The following STX17 variants were observed in gnomAD, a reference collection of about 807,000 sequenced individuals.
STX17 encodes syntaxin-17.
A neutral mutation model predicts 35.9 loss-of-function variants in STX17; 29 were observed. That is an observed-to-expected ratio of 0.81 (90% CI 0.60 to 1.10). The LOEUF is 1.10. Ranked by LOEUF, STX17 falls within the 50% of genes least tolerant of loss-of-function variation. The pLI, the probability that STX17 is intolerant of heterozygous loss-of-function variation, is 0.00. For missense variants in STX17, 312 were observed against 352.3 expected (o/e 0.89, Z 0.92); for synonymous variants, 92 against 118.3 (o/e 0.78, Z 1.44).
In STX17 at chr9:99,951,298, G is replaced by A. The variant is rs1997368; in HGVS notation, c.415+13G>A. 0.68 allele frequency: 1,092,990 copies of A among 1,609,826 alleles called. 373,654 individuals carry two copies. The highest frequency in any genetic ancestry group is 0.75 in the African/African-American group (55,911 of 74,810). On this transcript the variant is annotated intron_variant, in intron 4 of 7. Transcript: ENST00000259400. ...ATGACTGTTGGTGGTAATGTATTGT[G>A]CTAAGTCTTATTCTCAGTCACAGTA...
intron 1 of STX17, among the ~76,000 whole-genome samples, chr9:99,907,861 T>A (rs1431675506): frequency 1.3e-5 from 2 of 152,194 alleles, no homozygotes; most frequent in East Asian, 3.8e-4. Flanking sequence ...TATTCTAGGA[T>A]CCACTCTAAG....
chr9:99,945,737 G>A (rs1375366893), intron 3 of STX17: 1 of 397,776 alleles, frequency 2.5e-6, no homozygotes, highest in Non-Finnish European at 5.0e-6. Context: ...CTACATTTGA[G>A]CCTTCTCCAA....
intron 4 of STX17, among the ~76,000 whole-genome samples, chr9:99,953,327 CATA>C (rs1307307813): frequency 6.6e-6 from 1 of 152,056 alleles, no homozygotes; most frequent in African/African-American, 2.4e-5. Flanking sequence ...AACATAAATA[CATA>C]AATATCTTTT....
chr9:99,956,135 G>T (rs1829706253), intron 4 of STX17, among the ~76,000 whole-genome samples: 1 of 152,074 alleles, frequency 6.6e-6, no homozygotes, highest in South Asian at 2.1e-4. Flanking sequence ...AGACCTCTTT[G>T]TTCTAAGACT....
chr9:99,966,235 T>C (rs1829908431), intron 6 of STX17, among the ~76,000 whole-genome samples: 1 of 152,278 alleles, frequency 6.6e-6, no homozygotes, highest in Middle Eastern at 3.4e-3. Context: ...CACAGAGACA[T>C]TCAAAGGAAA....
intron 3 of STX17, among the ~76,000 whole-genome samples, chr9:99,931,405 C>T (rs1381618238): frequency 6.6e-6 from 1 of 151,634 alleles, no homozygotes. Flanking sequence ...TGGACTGTTT[C>T]TTTCTAAAAA....
At chr9:99,930,452 A>G (rs1829097328) in intron 3 of STX17, among the ~76,000 whole-genome samples, 1 of 151,398 alleles carries the variant, frequency 6.6e-6, no homozygotes. Flanking sequence ...TATTTTTAGT[A>G]GAGATGGGGT....
chr9:99,960,901 G>A (rs557199204), intron 6 of STX17, among the ~76,000 whole-genome samples: 1 of 152,332 alleles, frequency 6.6e-6, no homozygotes, highest in East Asian at 1.9e-4. Flanking sequence ...TCATAAGGTA[G>A]AAAGAAGCAT....
intron 3 of STX17, among the ~76,000 whole-genome samples, chr9:99,934,736 C>T (rs1280548677): frequency 6.6e-6 from 1 of 152,046 alleles, no homozygotes; most frequent in African/African-American, 2.4e-5. Flanking sequence ...ACAATTTGTT[C>T]TCAAAATTAC....
At chr9:99,948,803 A>C (rs1829535922) in intron 3 of STX17, among the ~76,000 whole-genome samples, 1 of 152,092 alleles carries the variant, frequency 6.6e-6, no homozygotes, top group Non-Finnish European at 1.5e-5. Context: ...ATAGTAATAG[A>C]GTTCTTAGCT....
At chr9:99,941,261 G>A (rs1829354461) in intron 3 of STX17, among the ~76,000 whole-genome samples, 1 of 152,142 alleles carries the variant, frequency 6.6e-6, no homozygotes, top group South Asian at 2.1e-4. Flanking sequence ...GAGGATATAT[G>A]ACAAAGAAAT....
intron 2 of STX17, among the ~76,000 whole-genome samples, chr9:99,922,964 TC>T (rs1307113283): frequency 1.3e-5 from 2 of 152,296 alleles, no homozygotes; most frequent in East Asian, 1.9e-4. Context: ...ATTGTTCCTG[TC>T]CCCTGGTGGA....
chr9:99,927,873 A>G (rs1325075934), intron 2 of STX17, among the ~76,000 whole-genome samples: 2 of 152,224 alleles, frequency 1.3e-5, no homozygotes, highest in African/African-American at 2.4e-5. Flanking sequence ...ATCATTCTTT[A>G]CCAAATTTTA....
In STX17 at chr9:99,915,250, A is replaced by G. The variant is rs576490245; in HGVS notation, c.11A>G (p.Asp4Gly). MSE[D>G]EEKVKLRRLE... ...CAACATTTTTTTAGGATGTCTGAAG[A>G]TGAAGAAAAAGTGAAATTACGCCGT... The change falls in exon 2 of 8, where the codon GAT (aspartate) becomes GGT (glycine). Residue 4 changes from aspartate (D) to glycine (G), a missense_variant. Physicochemically the swap from Asp to Gly is moderately conservative, Grantham distance 94. Coordinates refer to ENST00000259400, the MANE Select transcript of STX17 (RefSeq NM_017919.3). The G allele has an allele frequency of 1.8e-4, 298 of 1,610,916 alleles. 4 individuals are homozygous for G. The South Asian group carries it at 3.2e-3, about 17-fold the overall frequency.
At chr9:99,913,059 C>T (rs1488352484) in intron 1 of STX17, among the ~76,000 whole-genome samples, 1 of 151,978 alleles carries the variant, frequency 6.6e-6, no homozygotes, top group African/African-American at 2.4e-5. Flanking sequence ...CTTTTAATAT[C>T]TTGCTTTTAA....
chr9:99,915,474 A>G, intron 2 of STX17, 112 bp downstream of exon 2: 1 of 1,300,108 alleles, frequency 7.7e-7, no homozygotes, highest in Non-Finnish European at 1.0e-6. Context: ...TGAAACACCT[A>G]GCTCCTATTG....
chr9:99,940,083 G>C (rs947846284), intron 3 of STX17, among the ~76,000 whole-genome samples: 3 of 152,064 alleles, frequency 2.0e-5, no homozygotes, highest in Non-Finnish European at 4.4e-5. Context: ...AACCATATTG[G>C]ATTCTTTAGA....
At chr9:99,945,653 C>T in intron 3 of STX17, 1 of 274,566 alleles carries the variant, frequency 3.6e-6, no homozygotes, top group South Asian at 3.2e-5. Flanking sequence ...TTTTTTAAAT[C>T]TCCATATTTA....
intron 1 of STX17, among the ~76,000 whole-genome samples, chr9:99,908,675 G>C (rs988142582): frequency 6.6e-6 from 1 of 151,808 alleles, no homozygotes; most frequent in Non-Finnish European, 1.5e-5. Flanking sequence ...GGCTCATCTT[G>C]TGTTTTCTGT....
Sources: gnomAD v4.1 joint callset for allele counts (sites outside exome capture counted in the v4.1 genomes callset) on GRCh38, gnomAD v4.1.1 for gene constraint, MANE v1.5 for transcripts, NCBI Gene and HGNC (gene_info 2026-07-23, HGNC 2026-07-21) for gene names.